RASAL2: variants seen among roughly 807,000 people sequenced by gnomAD.
RASAL2 encodes the protein RAS protein activator like 2.
A neutral mutation model predicts 128.9 loss-of-function variants in RASAL2; 58 were observed. That is an observed-to-expected ratio of 0.45 (90% CI 0.36 to 0.56). The LOEUF (loss-of-function observed/expected upper bound fraction) is 0.56. Ranked by LOEUF, RASAL2 falls within the 20% of genes least tolerant of loss-of-function variation. The pLI is 0.00. For missense variants in RASAL2, 1,360 were observed against 1,601.6 expected, an observed-to-expected ratio of 0.85 and a Z score of 2.57; for synonymous variants, 561 against 580.8, an observed-to-expected ratio of 0.97 and a Z score of 0.49.
intron 1 of RASAL2, among the ~76,000 whole-genome samples, chr1:178,268,158 CAAAAT>C (rs1666067215): frequency 6.6e-6 from 1 of 151,742 alleles, no homozygotes; most frequent in African/African-American, 2.4e-5. Flanking sequence ...GAGACCCTAC[CAAAAT>C]AAAATAAACA....
At chr1:178,417,723 C>A (rs962716880) in intron 4 of RASAL2, among the ~76,000 whole-genome samples, 1 of 144,396 alleles carries the variant, frequency 6.9e-6, no homozygotes, top group Non-Finnish European at 1.5e-5. Context: ...TGCACCATTG[C>A]ACTCCAGCCT....
rs1052315574 is a variant in RASAL2, at chr1:178,181,057, T to G, written c.202+86363T>G. On this transcript the variant is annotated intron_variant, in intron 1 of 17. Transcript: ENST00000367649. The stretch of plus-strand genomic sequence containing the variant: ...GTCCCCATTTCATTTATGATATTGA[T>G]ACTTTGTAGCTTGTCTCTTTTTTCC... Among the ~76,000 whole-genome samples the G allele has an allele frequency of 6.6e-5, 10 of 152,328 alleles. No homozygotes were observed. In the East Asian group the frequency reaches 1.9e-3, roughly 29 times the overall value.
chr1:178,439,391 C>T (rs760530653), intron 5 of RASAL2, 31 bp from the exon 6 acceptor site: 7 of 1,564,912 alleles, frequency 4.5e-6, no homozygotes, highest in Non-Finnish European at 3.5e-6. Flanking sequence ...GGCCAAGTTA[C>T]ACTACCTTAA....
intron 1 of RASAL2, among the ~76,000 whole-genome samples, chr1:178,171,345 A>G (rs964075435): frequency 6.6e-6 from 1 of 151,946 alleles, no homozygotes; most frequent in Admixed American, 6.6e-5. Flanking sequence ...GGTTCCTGTA[A>G]ACAGAGTAAA....
rs151081184 is a variant in RASAL2 at position 178,131,612 on chromosome 1, G to A, written c.202+36918G>A. 7.3e-3 allele frequency among the ~76,000 whole-genome samples: 1,103 copies of A among 151,964 alleles called. 13 individuals are homozygous for A. The highest frequency in any genetic ancestry group is 0.025 in the African/African-American group (1,044 of 41,424). Reference sequence around the variant, plus strand: ...TTAGTAACTCTTGCAAGGTGGTGGTGGTTTTTCCAAAAACCTGACACTTAG... The same window carrying A: ...TTAGTAACTCTTGCAAGGTGGTGGTAGTTTTTCCAAAAACCTGACACTTAG... On this transcript the variant is annotated intron_variant, in intron 1 of 17. Coordinates refer to ENST00000367649, the MANE Select transcript of RASAL2 (RefSeq NM_170692.4).
chr1:178,340,194 A>G (rs1669792730), intron 3 of RASAL2, among the ~76,000 whole-genome samples: 1 of 152,196 alleles, frequency 6.6e-6, no homozygotes, highest in Admixed American at 6.5e-5. Flanking sequence ...AAATGGGTAG[A>G]TAGATGATAG....
At chr1:178,194,093 T>A (rs1662579996) in intron 1 of RASAL2, among the ~76,000 whole-genome samples, 1 of 152,174 alleles carries the variant, frequency 6.6e-6, no homozygotes, top group South Asian at 2.1e-4. Flanking sequence ...ACCCAGCAGC[T>A]CATTAACATA....
rs1304761846 is a variant in RASAL2 at position 178,094,135 on chromosome 1, G to C, written c.-358G>C. On this transcript the variant is annotated 5_prime_UTR_variant, in exon 1 of 18. Coordinates refer to ENST00000367649, the MANE Select transcript of RASAL2 (RefSeq NM_170692.4). Reference sequence around the variant, plus strand: ...TGGTCTGACCGCGAGAGACGCCGGCGGGGCTGAAGAAGGCGGCTCCGAGGA... The same window carrying C: ...TGGTCTGACCGCGAGAGACGCCGGCCGGGCTGAAGAAGGCGGCTCCGAGGA... 3.6e-6 allele frequency: 1 copy of C among 277,122 alleles called. No homozygotes were observed. The highest frequency in any genetic ancestry group is 6.7e-6 in the Non-Finnish European group (1 of 148,878). The allele number at this position is 277,122 out of a possible 1,614,324, so 17.2% of individuals were successfully genotyped here.
chr1:178,270,499 T>TA (rs1024950290), intron 1 of RASAL2, among the ~76,000 whole-genome samples: 19 of 152,236 alleles, frequency 1.2e-4, no homozygotes, highest in African/African-American at 4.6e-4. Context: ...TGCTTTTTAT[T>TA]AAAAAATATC....
chr1:178,404,553 G>C (rs1037920842), intron 4 of RASAL2, among the ~76,000 whole-genome samples: 1 of 151,890 alleles, frequency 6.6e-6, no homozygotes, highest in African/African-American at 2.4e-5. Flanking sequence ...GATAATTTTT[G>C]TATTTTTAGT....
intron 1 of RASAL2, among the ~76,000 whole-genome samples, chr1:178,145,705 C>T (rs1230931160): frequency 6.6e-6 from 1 of 152,198 alleles, no homozygotes; most frequent in African/African-American, 2.4e-5. Context: ...CCAGTTTCCT[C>T]TTCTTCCTAT....
intron 1 of RASAL2, among the ~76,000 whole-genome samples, chr1:178,210,610 C>T (rs1444082159): frequency 6.6e-6 from 1 of 152,176 alleles, no homozygotes; most frequent in African/African-American, 2.4e-5. Flanking sequence ...TTGCTTCAGA[C>T]TGATAACAGG....
At chr1:178,174,206 A>G (rs1282260873) in intron 1 of RASAL2, among the ~76,000 whole-genome samples, 1 of 151,954 alleles carries the variant, frequency 6.6e-6, no homozygotes, top group African/African-American at 2.4e-5. Context: ...ATATTCTTAT[A>G]CCTTTCTCTA....
At chr1:178,113,947 G>T (rs1167931996) in intron 1 of RASAL2, among the ~76,000 whole-genome samples, 1 of 151,854 alleles carries the variant, frequency 6.6e-6, no homozygotes, top group Non-Finnish European at 1.5e-5. Flanking sequence ...ATAAATGTAT[G>T]GTTTAAATTT....
At chr1:178,177,209 C>T (rs896103698) in intron 1 of RASAL2, among the ~76,000 whole-genome samples, 9 of 152,162 alleles carry the variant, frequency 5.9e-5, no homozygotes, top group Non-Finnish European at 1.3e-4. Flanking sequence ...TTAATACTTT[C>T]GAATGGTTGC....
intron 1 of RASAL2, among the ~76,000 whole-genome samples, chr1:178,137,380 C>T (rs977718220): frequency 6.6e-6 from 1 of 152,162 alleles, no homozygotes; most frequent in African/African-American, 2.4e-5. Flanking sequence ...TCCTCTTTCT[C>T]CCAATTACTG....
chr1:178,197,483 C>T (rs1277610946), intron 1 of RASAL2, among the ~76,000 whole-genome samples: 1 of 151,644 alleles, frequency 6.6e-6, no homozygotes, highest in Non-Finnish European at 1.5e-5. Context: ...GTGGTGTGCA[C>T]CTGTAGCCCC....
chr1:178,121,841 C>G, intron 1 of RASAL2, among the ~76,000 whole-genome samples: 1 of 152,052 alleles, frequency 6.6e-6, no homozygotes, highest in East Asian at 1.9e-4. Context: ...GAGTTTCTTT[C>G]ATGTTACTCT....
intron 1 of RASAL2, among the ~76,000 whole-genome samples, chr1:178,276,871 G>A (rs1026680409): frequency 1.3e-5 from 2 of 151,742 alleles, no homozygotes; most frequent in South Asian, 2.1e-4. Flanking sequence ...CTTGTTGGCC[G>A]GGCACAGTGG....
Sources: allele counts gnomAD v4.1 joint callset (sites outside exome capture counted in the v4.1 genomes callset), GRCh38; gene constraint gnomAD v4.1.1; transcripts MANE v1.5; gene names NCBI Gene and HGNC (gene_info 2026-07-23, HGNC 2026-07-21).